SLC66A1: variants seen among roughly 807,000 people sequenced by gnomAD.
SLC66A1 encodes lysosomal amino acid transporter 1 homolog.
Under a neutral mutation model 33.0 loss-of-function variants are expected in SLC66A1, and 23 were observed. The ratio of observed to expected loss-of-function variants is 0.70; its 90% CI spans 0.50 to 0.99. The LOEUF is 0.99. SLC66A1 is among the 50% of genes least tolerant of loss of function. SLC66A1 has a pLI of 0.00. For missense variants in SLC66A1, 335 were observed against 383.6 expected, an observed-to-expected ratio of 0.87 and a Z score of 1.06; for synonymous variants, 164 against 175.5, an observed-to-expected ratio of 0.93 and a Z score of 0.52.
intron 2 of SLC66A1, among the ~76,000 whole-genome samples, chr1:19,323,320 C>T (rs748211701): frequency 4.6e-5 from 7 of 152,288 alleles, no homozygotes; most frequent in South Asian, 2.1e-4. Flanking sequence ...TGGAAGGACT[C>T]GCTGTGGGAA....
In SLC66A1 at chr1:19,328,487, G is replaced by T. The variant is rs1055927321; in HGVS notation, c.805-85G>T. On this transcript the variant is annotated intron_variant, in intron 7 of 7. Coordinates refer to ENST00000375153, the MANE Select transcript of SLC66A1 (RefSeq NM_001040125.2). The surrounding 1 kb of genome is among the most constrained non-coding windows in gnomAD (Gnocchi z 4.7). Reference sequence around the variant, plus strand: ...GTGGGGGTGGGAGGGAGGGGAGAGGGAGGCAGCTCCCAGGAGTCGAAGGCC... The same window carrying T: ...GTGGGGGTGGGAGGGAGGGGAGAGGTAGGCAGCTCCCAGGAGTCGAAGGCC... 113 of 1,281,592 alleles carry T rather than the reference G, an allele frequency of 8.8e-5. No homozygotes were observed. Among genetic ancestry groups the T allele is most frequent in the Non-Finnish European group, 1.2e-4 (107 of 906,218 alleles). The allele number at this position is 1,281,592 out of a possible 1,614,324, so 79.4% of individuals were successfully genotyped here.
intron 2 of SLC66A1, among the ~76,000 whole-genome samples, chr1:19,322,455 A>G (rs2093842581): frequency 6.6e-6 from 1 of 152,156 alleles, no homozygotes; most frequent in South Asian, 2.1e-4. Flanking sequence ...AGACAAGTCG[A>G]GTCATAGCAT....
intron 2 of SLC66A1, among the ~76,000 whole-genome samples, chr1:19,323,355 C>T (rs1423844812): frequency 6.6e-6 from 1 of 152,096 alleles, no homozygotes; most frequent in Admixed American, 6.6e-5. Context: ...TAGTTTCTGG[C>T]TTGGATAATG....
chr1:19,324,928 T>C (rs533174922), intron 3 of SLC66A1, among the ~76,000 whole-genome samples, 166 bp downstream of exon 3: 9 of 152,352 alleles, frequency 5.9e-5, no homozygotes, highest in Non-Finnish European at 1.3e-4. Flanking sequence ...ACTGTGACTG[T>C]GGGCAGGTCA....
chr1:19,328,224 G>T lies in SLC66A1; in HGVS notation c.805-348G>T. On this transcript the variant is annotated intron_variant, in intron 7 of 7. Transcript: ENST00000375153. The surrounding 1 kb of genome is among the most constrained non-coding windows in gnomAD (Gnocchi z 4.7). Reference sequence around the variant, plus strand: ...GGCGCAGGGAGGGGTGAAAGTTTAGGCTCTTGTGCCCCAAAACGGCCCAGC... The same window carrying T: ...GGCGCAGGGAGGGGTGAAAGTTTAGTCTCTTGTGCCCCAAAACGGCCCAGC... 1 of 444,770 alleles carries T rather than the reference G, an allele frequency of 2.2e-6. No individual in the cohort carries two copies. Among genetic ancestry groups the T allele is most frequent in the South Asian group, 2.3e-5 (1 of 42,742 alleles). 27.6% of individuals were successfully genotyped at this position (444,770 alleles called of 1,614,324 possible). A position where few individuals can be genotyped will look rare whatever the true frequency, so the allele number is the denominator to read the frequency against.
intron 1 of SLC66A1, among the ~76,000 whole-genome samples, chr1:19,314,314 C>G (rs1357845704): frequency 6.6e-6 from 1 of 152,196 alleles, no homozygotes. Context: ...CAAGACAACT[C>G]CCCAACACGC....
intron 1 of SLC66A1, among the ~76,000 whole-genome samples, chr1:19,314,004 A>G (rs1172405292): frequency 6.6e-6 from 1 of 152,110 alleles, no homozygotes; most frequent in Admixed American, 6.5e-5. Context: ...TTGAACATGC[A>G]CCCTCCAAGG....
At chr1:19,314,219 G>A (rs1447175643) in intron 1 of SLC66A1, among the ~76,000 whole-genome samples, 1 of 152,172 alleles carries the variant, frequency 6.6e-6, no homozygotes, top group Non-Finnish European at 1.5e-5. Context: ...AGAGTGTCCC[G>A]AGCTCCACAT....
chr1:19,324,488 C>G, intron 2 of SLC66A1, 145 bp from the exon 3 acceptor site: 1 of 970,052 alleles, frequency 1.0e-6, no homozygotes, highest in Non-Finnish European at 1.5e-6. Context: ...GGATCCCGCC[C>G]GTGGGGAGGA....
At chr1:19,331,594 C>T (rs1435327785), downstream of SLC66A1, among the ~76,000 whole-genome samples, 3 of 152,202 alleles carry the variant, frequency 2.0e-5, no homozygotes, top group Non-Finnish European at 4.4e-5. Context: ...CTGGCCCTGC[C>T]GAGATTTCAG....
intron 7 of SLC66A1, chr1:19,327,947 C>T (rs1274612734): frequency 3.8e-6 from 1 of 266,256 alleles, no homozygotes; most frequent in Non-Finnish European, 7.5e-6. Context: ...GGCTCCTCCC[C>T]TGCTTCCTAG....
At chr1:19,324,547 C>A in intron 2 of SLC66A1, 86 bp from the exon 3 acceptor site, 5 of 1,513,506 alleles carry the variant, frequency 3.3e-6, no homozygotes, top group Non-Finnish European at 4.5e-6. Flanking sequence ...TCCCCATGGT[C>A]GTCTCCTCTG....
intron 2 of SLC66A1, among the ~76,000 whole-genome samples, chr1:19,320,175 A>G (rs2093827258): frequency 6.6e-6 from 1 of 151,754 alleles, no homozygotes; most frequent in Non-Finnish European, 1.5e-5. Context: ...TGCTGGGATT[A>G]TAGGTATGAG....
chr1:19,322,377 C>T (rs1207791818), intron 2 of SLC66A1, among the ~76,000 whole-genome samples: 1 of 152,086 alleles, frequency 6.6e-6, no homozygotes, highest in Non-Finnish European at 1.5e-5. Flanking sequence ...AGGGTGGCTG[C>T]CCCCCTGGTC....
intron 1 of SLC66A1, among the ~76,000 whole-genome samples, chr1:19,316,395 TTTC>T (rs1446462384): frequency 2.3e-4 from 29 of 126,904 alleles, no homozygotes; most frequent in Admixed American, 2.2e-3. Flanking sequence ...GTGTGTGTGT[TTTC>T]TTTTAAGACA....
At chr1:19,331,679 G>A (rs892845425), downstream of SLC66A1, among the ~76,000 whole-genome samples, 4 of 152,182 alleles carry the variant, frequency 2.6e-5, no homozygotes, top group African/African-American at 9.7e-5. Flanking sequence ...TAGATGTCTC[G>A]CTCCACCTGG....
intron 1 of SLC66A1, among the ~76,000 whole-genome samples, chr1:19,314,863 G>T (rs79054253): frequency 0.014 from 2,095 of 152,114 alleles, 60 homozygotes; most frequent in African/African-American, 0.048. Context: ...CTTTGGCCTT[G>T]CAAACGTGTA....
intron 2 of SLC66A1, among the ~76,000 whole-genome samples, chr1:19,321,963 A>T (rs1288373810): frequency 6.6e-6 from 1 of 152,186 alleles, no homozygotes; most frequent in Non-Finnish European, 1.5e-5. Flanking sequence ...TTACTGAGTT[A>T]CCTTGTTCCA....
rs141341141 is a variant in SLC66A1, at chr1:19,323,815, G to A, written c.165-818G>A. Among the ~76,000 whole-genome samples, 517 of 152,324 alleles carry A rather than the reference G, an allele frequency of 3.4e-3. 4 individuals carry two copies. The highest frequency in any genetic ancestry group is 0.012 in the African/African-American group (511 of 41,580). On this transcript the variant is annotated intron_variant, in intron 2 of 7. Coordinates refer to ENST00000375153, the MANE Select transcript of SLC66A1 (RefSeq NM_001040125.2). Reference sequence around the variant, plus strand: ...TGTATAATGGTTAAGAGCAAGACCGGAGGCTCAGGTAGGGGTTGAATCCGA... The same window carrying A: ...TGTATAATGGTTAAGAGCAAGACCGAAGGCTCAGGTAGGGGTTGAATCCGA...
Sources: allele counts gnomAD v4.1 joint callset (sites outside exome capture counted in the v4.1 genomes callset), GRCh38; gene constraint gnomAD v4.1.1; non-coding constraint Gnocchi (gnomAD v3.1); transcripts MANE v1.5; gene names NCBI Gene and HGNC (gene_info 2026-07-23, HGNC 2026-07-21).